HTRA1: variants seen among roughly 807,000 people sequenced by gnomAD.
The protein encoded by HTRA1 is serine protease HTRA1.
In HTRA1, 26 loss-of-function variants were observed where a neutral mutation model predicts 49.7. The observed-to-expected ratio is 0.52, with a 90% confidence interval of 0.38 to 0.73. The LOEUF (loss-of-function observed/expected upper bound fraction) is 0.73. Among genes scored for constraint, HTRA1 ranks in the 30% least tolerant of loss-of-function variants. HTRA1 has a pLI of 0.00. For synonymous variants in HTRA1, 291 were observed against 286.9 expected, an observed-to-expected ratio of 1.01 and a Z score of -0.14; for missense variants, 561 against 667.2, an observed-to-expected ratio of 0.84 and a Z score of 1.75.
Position 122,489,586 on chromosome 10 carries a change from A to G in HTRA1, c.737A>G (p.Asp246Gly). ...ATYEAKIKDV[D>G]EKADIALIKI... ...TACGAAGCCAAAATCAAGGATGTGG[A>G]TGAGAAAGCAGACATCGCACTCATC... Residue 246 changes from aspartate to glycine, a missense_variant, in exon 3 of 9, where the codon GAT becomes GGT. Coordinates refer to ENST00000368984, the MANE Select transcript of HTRA1 (RefSeq NM_002775.5). 1 of 1,614,102 alleles carries G rather than the reference A, an allele frequency of 6.2e-7. No homozygotes were observed. The highest frequency in any genetic ancestry group is 8.5e-7 in the Non-Finnish European group (1 of 1,180,004).
chr10:122,511,530 C>T (rs892445598), intron 7 of HTRA1, among the ~76,000 whole-genome samples: 4 of 151,964 alleles, frequency 2.6e-5, no homozygotes, highest in Non-Finnish European at 4.4e-5. Context: ...GCCAGGAGTT[C>T]GAGACCAGCC....
intron 1 of HTRA1, among the ~76,000 whole-genome samples, chr10:122,473,865 G>A (rs1180757576): frequency 6.6e-6 from 1 of 152,294 alleles, no homozygotes; most frequent in South Asian, 2.1e-4. Flanking sequence ...TTAGCATAAT[G>A]TTTTCAAGGT....
rs1455731342 is a variant in HTRA1, at chr10:122,489,486, G to A, written c.637G>A (p.Gly213Arg). 1.9e-6 allele frequency: 3 copies of A among 1,614,046 alleles called. No homozygotes were observed. The highest frequency in any genetic ancestry group is 2.5e-6 in the Non-Finnish European group (3 of 1,180,022). ...GTCTGGGTTTATTGTGTCGGAAGAT[G>A]GACTGATCGTGACAAATGCCCACGT... is the stretch of plus-strand genomic sequence containing the variant. The part of the protein sequence containing the change: ...SGSGFIVSED[G>R]LIVTNAHVVT... The change falls in exon 3 of 9, where the codon GGA becomes AGA. Residue 213 changes from glycine (G) to arginine (R), a missense_variant. This residue lies in a region of HTRA1 where 271 missense variants were observed against 410.0 expected (regional missense o/e 0.66). Transcript: ENST00000368984.
At chr10:122,482,073 A>T (rs1235556234) in intron 1 of HTRA1, among the ~76,000 whole-genome samples, 2 of 152,178 alleles carry the variant, frequency 1.3e-5, no homozygotes, top group African/African-American at 4.8e-5. Flanking sequence ...AATACCCAAC[A>T]GTTCCATTTA....
intron 3 of HTRA1, among the ~76,000 whole-genome samples, chr10:122,493,387 G>A (rs1394495667): frequency 6.6e-6 from 1 of 152,212 alleles, no homozygotes; most frequent in Admixed American, 6.5e-5. Context: ...CAGCTTTGAG[G>A]GCAGACTAGT....
intron 3 of HTRA1, among the ~76,000 whole-genome samples, chr10:122,504,299 TC>T (rs1340479873): frequency 6.6e-6 from 1 of 152,214 alleles, no homozygotes; most frequent in Non-Finnish European, 1.5e-5. Context: ...TTTCAGTCTC[TC>T]TGCCTTCTGA....
intron 3 of HTRA1, among the ~76,000 whole-genome samples, chr10:122,493,573 T>G (rs965646244): frequency 1.3e-5 from 2 of 152,126 alleles, no homozygotes; most frequent in African/African-American, 2.4e-5. Context: ...GAGAGCAGTT[T>G]GGTTTCTTCA....
intron 1 of HTRA1, among the ~76,000 whole-genome samples, chr10:122,471,584 G>C (rs533445436): frequency 1.3e-5 from 2 of 152,338 alleles, no homozygotes; most frequent in East Asian, 3.9e-4. Flanking sequence ...AGAGAAGACA[G>C]AATCCCAGAG....
At chr10:122,476,065 C>G (rs951872862) in intron 1 of HTRA1, among the ~76,000 whole-genome samples, 1 of 152,226 alleles carries the variant, frequency 6.6e-6, no homozygotes, top group South Asian at 2.1e-4. Flanking sequence ...CTCTTGCAGA[C>G]AGGAGGCCCC....
In HTRA1 at chr10:122,503,359, G is replaced by A. The variant is rs184146352; in HGVS notation, c.778-3332G>A. The stretch of plus-strand genomic sequence containing the variant: ...TGCTGAGTAGACAGACTCGAGGTGA[G>A]GCTCACGGCTGAGAACAGGCCCCAT... On this transcript the variant is annotated intron_variant, in intron 3 of 8. Coordinates refer to ENST00000368984, the MANE Select transcript of HTRA1 (RefSeq NM_002775.5). Among the ~76,000 whole-genome samples the A allele has an allele frequency of 2.5e-4, 38 of 152,372 alleles. No individual in the cohort carries two copies. The East Asian group carries it at 7.0e-3, about 28-fold the overall frequency.
intron 3 of HTRA1, among the ~76,000 whole-genome samples, chr10:122,496,170 G>T (rs10887155): frequency 0.15 from 22,809 of 148,584 alleles, 2,152 homozygotes; most frequent in South Asian, 0.32. Context: ...GGTGGCCGCG[G>T]CGAGCAGGAA....
At chr10:122,514,076 C>G in intron 8 of HTRA1, 115 bp from the exon 9 acceptor site, 1 of 1,045,536 alleles carries the variant, frequency 9.6e-7, no homozygotes, top group Non-Finnish European at 1.5e-6. Flanking sequence ...CGCCACCGTC[C>G]AATCCTGTTT....
At chr10:122,485,068 T>C (rs543382047) in intron 1 of HTRA1, among the ~76,000 whole-genome samples, 36 of 152,370 alleles carry the variant, frequency 2.4e-4, no homozygotes, top group Admixed American at 1.3e-3. Flanking sequence ...GGACAAGCCC[T>C]TTTAATGGAA....
chr10:122,488,190 C>A (rs553560278), intron 1 of HTRA1, among the ~76,000 whole-genome samples: 2 of 152,110 alleles, frequency 1.3e-5, no homozygotes, highest in Non-Finnish European at 2.9e-5. Flanking sequence ...TTTGCTCCTG[C>A]GGTGTTTCTC....
intron 3 of HTRA1, among the ~76,000 whole-genome samples, chr10:122,497,329 T>C (rs1218234476): frequency 6.6e-6 from 1 of 152,228 alleles, no homozygotes; most frequent in Non-Finnish European, 1.5e-5. Flanking sequence ...TCATTGACCA[T>C]ATCAAATTAT....
rs757392715 is a variant in HTRA1, at chr10:122,506,718, C to A, written c.805C>A (p.Arg269Ser). The change falls in exon 4 of 9, where the codon CGC becomes AGC. Residue 269 changes from arginine to serine, a missense_variant. Transcript: ENST00000368984. The surrounding 1 kb of genome is among the most constrained non-coding windows in gnomAD (Gnocchi z 5.2). The part of the protein sequence containing the change: ...QGKLPVLLLG[R>S]SSELRPGEFV... ...CAAGCTGCCTGTCCTGCTGCTTGGCCGCTCCTCAGAGCTGCGGCCGGGAGA... is the reference window on the plus strand; with the variant it reads ...CAAGCTGCCTGTCCTGCTGCTTGGCAGCTCCTCAGAGCTGCGGCCGGGAGA... The A allele has an allele frequency of 1.9e-6, 3 of 1,613,266 alleles. No individual in the cohort carries two copies. The highest frequency in any genetic ancestry group is 2.5e-6 in the Non-Finnish European group (3 of 1,180,038).
At chr10:122,481,729 G>T (rs1219792955) in intron 1 of HTRA1, among the ~76,000 whole-genome samples, 3 of 152,172 alleles carry the variant, frequency 2.0e-5, no homozygotes, top group Admixed American at 2.0e-4. Context: ...TTGTGGGAGG[G>T]ACCCGGTTGG....
At position 122,487,408 on chromosome 10, in the gene HTRA1, G is replaced by A. The variant is rs985676987; in HGVS notation, c.473-1494G>A. Among the ~76,000 whole-genome samples, 8 of 152,202 alleles carry A rather than the reference G, an allele frequency of 5.3e-5. No individual in the cohort carries two copies. Among genetic ancestry groups the A allele is most frequent in the African/African-American group, 1.9e-4 (8 of 41,450 alleles). The stretch of plus-strand genomic sequence containing the variant: ...CTGCCTCTGCCACCACCCGTGCCAC[G>A]AAAATGGGAGCCCAGGACCCTGAAT... On this transcript the variant is annotated intron_variant, in intron 1 of 8. Transcript: ENST00000368984. The surrounding 1 kb of genome is among the most constrained non-coding windows in gnomAD (Gnocchi z 4.8).
intron 3 of HTRA1, among the ~76,000 whole-genome samples, chr10:122,502,249 T>A (rs1344362288): frequency 6.6e-6 from 1 of 152,172 alleles, no homozygotes; most frequent in Non-Finnish European, 1.5e-5. Context: ...CACTGAATGG[T>A]TGTTGAGAGA....
Sources: allele counts gnomAD v4.1 joint callset (sites outside exome capture counted in the v4.1 genomes callset), GRCh38; gene constraint gnomAD v4.1.1; regional missense constraint gnomAD v4.1.1; non-coding constraint Gnocchi (gnomAD v3.1); transcripts MANE v1.5; gene names NCBI Gene and HGNC (gene_info 2026-07-23, HGNC 2026-07-21).